The following TTC12 variants were observed in gnomAD, a reference collection of about 807,000 sequenced individuals.
TTC12 encodes the protein tetratricopeptide repeat protein 12.
Under a neutral mutation model 90.1 loss-of-function variants are expected in TTC12, and 70 were observed. That is an observed-to-expected ratio of 0.78 (90% CI 0.64 to 0.95). The LOEUF is 0.95. Ranked by LOEUF, TTC12 falls within the 40% of genes least tolerant of loss-of-function variation. TTC12 has a pLI of 0.00. For missense variants in TTC12, 819 were observed against 846.1 expected (o/e 0.97, Z 0.40); for synonymous variants, 296 against 311.5 (o/e 0.95, Z 0.53).
chr11:113,333,386 GAC>G (rs1316543131), intron 7 of TTC12, among the ~76,000 whole-genome samples: 1 of 152,108 alleles, frequency 6.6e-6, no homozygotes, highest in Non-Finnish European at 1.5e-5. Context: ...CCCTTTTAAA[GAC>G]TGCATTTTAG....
At chr11:113,341,199 C>T (rs903355195) in intron 11 of TTC12, among the ~76,000 whole-genome samples, 1 of 152,186 alleles carries the variant, frequency 6.6e-6, no homozygotes, top group Non-Finnish European at 1.5e-5. Context: ...CACTGTACTC[C>T]AGCCTAGGCG....
chr11:113,372,036 G>A (rs1950400136), intron 21 of TTC12, among the ~76,000 whole-genome samples: 1 of 152,276 alleles, frequency 6.6e-6, no homozygotes, highest in Middle Eastern at 3.4e-3. Context: ...TAAATGTGAG[G>A]ATTTTTATCA....
intron 18 of TTC12, among the ~76,000 whole-genome samples, chr11:113,361,302 A>C (rs1949909085): frequency 6.6e-6 from 1 of 152,258 alleles, no homozygotes. Context: ...GGGGGGAACA[A>C]AAAAAGTAGA....
Position 113,323,383 on chromosome 11 carries a change from C to G in TTC12, c.154C>G (p.Gln52Glu), listed in dbSNP as rs1555139459. ...EKRLLLMEED[Q>E]EEDECRTTLN... ...GAGACTACTGCTTATGGAGGAAGAC[C>G]AGGAGGAGGATGAATGCAGGACCAC... Residue 52 changes from glutamine to glutamate, a missense_variant, in exon 3 of 22, where the codon CAG becomes GAG. Coordinates refer to ENST00000529221, the MANE Select transcript of TTC12 (RefSeq NM_017868.4). The G allele has an allele frequency of 8.1e-6, 13 of 1,613,112 alleles. No individual in the cohort carries two copies. Among genetic ancestry groups the G allele is most frequent in the African/African-American group, 1.3e-5 (1 of 74,830 alleles).
rs370476793 is a variant in TTC12, at chr11:113,324,836, T to C, written c.322+154T>C. Among the ~76,000 whole-genome samples the C allele has an allele frequency of 3.7e-4, 56 of 152,280 alleles. No individual in the cohort carries two copies. The South Asian group carries it at 4.6e-3, about 12-fold the overall frequency. On this transcript the variant is annotated intron_variant, in intron 5 of 21. Transcript: ENST00000529221. ...GTGGGACCTGGCCAGAAGGAAATCA[T>C]TGATGGTCTGTTCTCTGTTCCTGCT...
intron 11 of TTC12, 150 bp downstream of exon 11, chr11:113,340,883 A>G (rs1377313118): frequency 3.1e-6 from 2 of 646,710 alleles, no homozygotes; most frequent in African/African-American, 1.8e-5. Flanking sequence ...GTGCAAAGCT[A>G]CTCCACGAAC....
intron 2 of TTC12, among the ~76,000 whole-genome samples, chr11:113,317,312 C>T (rs1555136143): frequency 2.0e-5 from 3 of 152,116 alleles, no homozygotes; most frequent in Non-Finnish European, 2.9e-5. Flanking sequence ...CCCCTTTGCC[C>T]TCCCCCTCCC....
At chr11:113,331,013 C>T (rs1232323891) in intron 7 of TTC12, among the ~76,000 whole-genome samples, 1 of 152,162 alleles carries the variant, frequency 6.6e-6, no homozygotes, top group Non-Finnish European at 1.5e-5. Flanking sequence ...CTGGCCATAT[C>T]TGCTTTATTT....
At chr11:113,333,399 A>G (rs1282061303) in intron 7 of TTC12, among the ~76,000 whole-genome samples, 1 of 152,058 alleles carries the variant, frequency 6.6e-6, no homozygotes, top group East Asian at 1.9e-4. Context: ...TGCATTTTAG[A>G]GAATATTTTC....
At chr11:113,364,520 G>A in intron 20 of TTC12, 1 of 364,582 alleles carries the variant, frequency 2.7e-6, no homozygotes, top group Non-Finnish European at 5.3e-6. Flanking sequence ...CTCTCACCCT[G>A]GCGCAGTGAG....
chr11:113,358,365 G>A (rs1255804644), intron 16 of TTC12, among the ~76,000 whole-genome samples: 1 of 152,160 alleles, frequency 6.6e-6, no homozygotes, highest in Admixed American at 6.5e-5. Flanking sequence ...ATGTGGGCTG[G>A]TGCATGGTGA....
intron 6 of TTC12, among the ~76,000 whole-genome samples, chr11:113,327,473 T>A (rs1947763314): frequency 6.6e-6 from 1 of 152,226 alleles, no homozygotes; most frequent in South Asian, 2.1e-4. Context: ...CTTTCATTGC[T>A]TTGTTTTTCC....
chr11:113,339,244 A>G (rs375286029), intron 9 of TTC12, 42 bp from the exon 10 acceptor site: 2 of 1,533,988 alleles, frequency 1.3e-6, no homozygotes, highest in Non-Finnish European at 1.8e-6. Context: ...GGTATTGTTG[A>G]TTGTTAGGGT....
chr11:113,352,226 T>C lies in TTC12; in HGVS notation c.1446+19T>C. On this transcript the variant is annotated intron_variant, in intron 16 of 21. Transcript: ENST00000529221. ...CCTCCTGGTATGTTAGCTTTTCTATTCAAAATTGGTCTTTATCCTCTTTGG... is the reference window on the plus strand; with the variant it reads ...CCTCCTGGTATGTTAGCTTTTCTATCCAAAATTGGTCTTTATCCTCTTTGG... The C allele has an allele frequency of 6.2e-7, 1 of 1,614,156 alleles. No homozygotes were observed. The highest frequency in any genetic ancestry group is 8.5e-7 in the Non-Finnish European group (1 of 1,179,990).
At chr11:113,347,146 T>G (rs1949015216) in intron 13 of TTC12, among the ~76,000 whole-genome samples, 1 of 152,204 alleles carries the variant, frequency 6.6e-6, no homozygotes. Context: ...TCATTAGCAG[T>G]CATCTTCAAG....
chr11:113,360,908 G>C (rs1335507019), intron 18 of TTC12, among the ~76,000 whole-genome samples: 1 of 152,214 alleles, frequency 6.6e-6, no homozygotes, highest in African/African-American at 2.4e-5. Context: ...GGGCATCGTA[G>C]CTTTCATCAG....
chr11:113,344,411 C>G lies in TTC12; in HGVS notation c.1125C>G (p.Ser375Arg). 11 of 1,614,048 alleles carry G rather than the reference C, an allele frequency of 6.8e-6. No homozygotes were observed. The highest frequency in any genetic ancestry group is 9.3e-6 in the Non-Finnish European group (11 of 1,179,984). ...TCGCCCAGACTGAGAGCGGACGGAG[C>G]CTGATCATCAACCACCTTGACCTGA... ...LHLAQTESGR[S>R]LIINHLDLTR... is the part of the protein sequence containing the mutation. The change falls in exon 13 of 22, where the codon AGC becomes AGG. Residue 375 changes from serine (S) to arginine (R), a missense_variant. Transcript: ENST00000529221.
chr11:113,334,943 A>G (rs782721452), intron 7 of TTC12, 23 bp from the exon 8 acceptor site: 1 of 1,600,344 alleles, frequency 6.2e-7, no homozygotes, highest in South Asian at 1.1e-5. Context: ...AAAACTTCTG[A>G]TCAGTCATTC....
intron 2 of TTC12, among the ~76,000 whole-genome samples, chr11:113,318,508 C>T (rs782208218): frequency 8.5e-5 from 13 of 152,154 alleles, no homozygotes; most frequent in Non-Finnish European, 1.3e-4. Context: ...CTTACAAGGA[C>T]ACTAGTCATA....
Sources: gnomAD v4.1 joint callset for allele counts (sites outside exome capture counted in the v4.1 genomes callset) on GRCh38, gnomAD v4.1.1 for gene constraint, MANE v1.5 for transcripts, NCBI Gene and HGNC (gene_info 2026-07-23, HGNC 2026-07-21) for gene names.